The following SKI variants were observed in gnomAD, a reference collection of about 807,000 sequenced individuals.
The protein encoded by SKI is SKI proto-oncogene, also known as ski oncogene.
A neutral mutation model predicts 59.3 loss-of-function variants in SKI; 23 were observed. The observed-to-expected ratio is 0.39, with a 90% CI of 0.28 to 0.55. The LOEUF (loss-of-function observed/expected upper bound fraction) is 0.55, where lower values mean the gene tolerates loss of function less well. Among genes scored for constraint, SKI ranks in the 20% least tolerant of loss-of-function variants. The pLI is 0.67. For synonymous variants in SKI, 673 were observed against 488.6 expected (o/e 1.38, Z -4.98); for missense variants, 1,017 against 1,038.9 (o/e 0.98, Z 0.29).
At chr1:2,282,887 C>T (rs1639939700) in intron 1 of SKI, among the ~76,000 whole-genome samples, 1 of 152,226 alleles carries the variant, frequency 6.6e-6, no homozygotes, top group Non-Finnish European at 1.5e-5. Flanking sequence ...GCCCAGTGAC[C>T]TCAGTGAGCT....
In SKI at chr1:2,304,547, C is replaced by G; in HGVS notation, c.1729C>G (p.Leu577Val). 6.4e-7 allele frequency: 1 copy of G among 1,573,750 alleles called. No individual in the cohort carries two copies. ...GATGCGCGTGAAGCAGGAGGAGAAG[C>G]TCAGCGCAGCCCTGCAGGCCAAGCG... is the stretch of plus-strand genomic sequence containing the variant. Reference protein sequence around the residue: ...VKMRVKQEEKLSAALQAKRSL... With the variant: ...VKMRVKQEEKVSAALQAKRSL... The change falls in exon 5 of 7, where the codon CTC becomes GTC. Residue 577 changes from leucine to valine, a missense_variant. Coordinates refer to ENST00000378536, the MANE Select transcript of SKI (RefSeq NM_003036.4).
intron 1 of SKI, among the ~76,000 whole-genome samples, chr1:2,256,343 C>G (rs1639275449): frequency 6.6e-6 from 1 of 152,240 alleles, no homozygotes; most frequent in South Asian, 2.1e-4. Context: ...CTCATTTCCT[C>G]TCCACTGTGT....
intron 1 of SKI, among the ~76,000 whole-genome samples, chr1:2,256,021 A>C (rs545392521): frequency 6.9e-6 from 1 of 145,110 alleles, no homozygotes; most frequent in Non-Finnish European, 1.5e-5. Context: ...CTGTGCCCGG[A>C]CTGCATTTCC....
intron 1 of SKI, among the ~76,000 whole-genome samples, chr1:2,260,201 G>C (rs1157430662): frequency 3.3e-5 from 5 of 152,188 alleles, no homozygotes; most frequent in Non-Finnish European, 7.3e-5. Flanking sequence ...GCGTTCAGCC[G>C]TCCTGATGGG....
intron 1 of SKI, among the ~76,000 whole-genome samples, chr1:2,249,704 G>A (rs777021572): frequency 1.1e-4 from 16 of 152,320 alleles, no homozygotes; most frequent in South Asian, 8.3e-4. Flanking sequence ...TGCTCCAACC[G>A]ACTCACTGGC....
At chr1:2,242,988 A>G (rs530203619) in intron 1 of SKI, among the ~76,000 whole-genome samples, 19 of 152,386 alleles carry the variant, frequency 1.2e-4, no homozygotes, top group Admixed American at 1.2e-3. Flanking sequence ...AGAAGGTTAT[A>G]AAAGGCAAAC....
chr1:2,288,448 C>G (rs919588514), intron 1 of SKI, among the ~76,000 whole-genome samples: 3 of 152,236 alleles, frequency 2.0e-5, no homozygotes, highest in Admixed American at 6.5e-5. Context: ...GGTACATGTT[C>G]CGATCCCTGA....
At chr1:2,244,971 A>AT (rs1233171267) in intron 1 of SKI, among the ~76,000 whole-genome samples, 1 of 152,222 alleles carries the variant, frequency 6.6e-6, no homozygotes, top group African/African-American at 2.4e-5. Context: ...CAACTGGAAG[A>AT]TCTAACAATA....
rs1639273459 is a variant in SKI at position 2,256,264 on chromosome 1, TG to T, written c.969+26531del. ...TTGTGTCCTGACCTCATTTCCTGTC[TG>T]GAGCTCTCTGTGTCCTTACCTCATT... is the stretch of plus-strand genomic sequence containing the variant. On this transcript the variant is annotated intron_variant, in intron 1 of 6. Transcript: ENST00000378536. Among the ~76,000 whole-genome samples the T allele has an allele frequency of 2.0e-5, 3 of 152,200 alleles. No individual in the cohort carries two copies. In the East Asian group the frequency reaches 5.8e-4, roughly 29 times the overall value.
At chr1:2,252,726 G>A (rs1639190511) in intron 1 of SKI, among the ~76,000 whole-genome samples, 1 of 152,136 alleles carries the variant, frequency 6.6e-6, no homozygotes. Context: ...GCACCAGGCT[G>A]GTGCTCAGCT....
At chr1:2,230,561 G>A (rs192944336) in intron 1 of SKI, among the ~76,000 whole-genome samples, 44 of 152,322 alleles carry the variant, frequency 2.9e-4, no homozygotes, top group Admixed American at 2.3e-3. Flanking sequence ...GCAGAGGGGT[G>A]CGCCGGAGAG....
chr1:2,296,857 G>A (rs763717357), intron 1 of SKI, among the ~76,000 whole-genome samples: 13 of 152,148 alleles, frequency 8.5e-5, no homozygotes, highest in Non-Finnish European at 1.5e-4. Flanking sequence ...CTTCACGTGC[G>A]CTCGCAGCCT....
At chr1:2,251,082 TG>T (rs1315946071) in intron 1 of SKI, among the ~76,000 whole-genome samples, 6 of 152,142 alleles carry the variant, frequency 3.9e-5, no homozygotes, top group Non-Finnish European at 1.5e-5. Flanking sequence ...GTCTTAGGGA[TG>T]GGGACGTGGG....
chr1:2,285,776 G>T (rs1301537756), intron 1 of SKI, among the ~76,000 whole-genome samples: 1 of 151,260 alleles, frequency 6.6e-6, no homozygotes, highest in East Asian at 2.0e-4. Context: ...ATGTTGGCCA[G>T]GATGGTCTCG....
intron 1 of SKI, among the ~76,000 whole-genome samples, chr1:2,236,923 C>T (rs1638760598): frequency 6.6e-6 from 1 of 152,230 alleles, no homozygotes; most frequent in Non-Finnish European, 1.5e-5. Context: ...AGCTCCTGTT[C>T]TAGGCTTCCT....
chr1:2,285,439 T>C (rs367588885), intron 1 of SKI, among the ~76,000 whole-genome samples: 1 of 151,238 alleles, frequency 6.6e-6, no homozygotes, highest in Non-Finnish European at 1.5e-5. Flanking sequence ...TGCTTGAACC[T>C]GGGAGGCGGA....
At chr1:2,247,251 G>A (rs969117662) in intron 1 of SKI, among the ~76,000 whole-genome samples, 5 of 152,286 alleles carry the variant, frequency 3.3e-5, no homozygotes, top group African/African-American at 1.2e-4. Context: ...GGAGCCGTGG[G>A]CATGTGTGTG....
In SKI at chr1:2,302,963, TTTCA is replaced by T. The variant is rs1640462397; in HGVS notation, c.970-12_970-9del. The T allele has an allele frequency of 1.9e-6, 3 of 1,613,022 alleles. No individual in the cohort carries two copies. The East Asian group carries it at 6.7e-5, about 36-fold the overall frequency. Reference sequence around the variant, plus strand: ...GGGAACCACAGGTGCCAACAAAACCTTTCATTGATCGCAGGTCTCCTCTGAGCCT... The same window carrying T: ...GGGAACCACAGGTGCCAACAAAACCTTTGATCGCAGGTCTCCTCTGAGCCT... On this transcript the variant is annotated splice_polypyrimidine_tract_variant and intron_variant, in intron 1 of 6. Transcript: ENST00000378536.
At position 2,304,470 on chromosome 1, in the gene SKI, G is replaced by A; in HGVS notation, c.1652G>A (p.Gly551Asp). Residue 551 changes from glycine (G) to aspartate (D), a missense_variant, in exon 5 of 7, where the codon GGC (glycine) becomes GAC (aspartate). Transcript: ENST00000378536. ...ELEHLRQALEGGLDTKEAKEK... is the reference protein window; with the variant it reads ...ELEHLRQALEDGLDTKEAKEK... ...GAGCACCTGCGGCAGGCACTGGAGG[G>A]CGGCCTGGACACCAAGGAAGCCAAA... 6.4e-7 allele frequency: 1 copy of A among 1,572,154 alleles called. No homozygotes were observed. Among genetic ancestry groups the A allele is most frequent in the Non-Finnish European group, 8.6e-7 (1 of 1,160,214 alleles).
Sources: allele counts gnomAD v4.1 joint callset (sites outside exome capture counted in the v4.1 genomes callset), GRCh38; gene constraint gnomAD v4.1.1; transcripts MANE v1.5; gene names NCBI Gene and HGNC (gene_info 2026-07-23, HGNC 2026-07-21).